The following GABRG3 variants were observed in gnomAD, a reference collection of about 807,000 sequenced individuals.
The protein encoded by GABRG3 is gamma-aminobutyric acid receptor subunit gamma-3.
A neutral mutation model predicts 48.8 loss-of-function variants in GABRG3; 25 were observed. The ratio of observed to expected loss-of-function variants is 0.51; its 90% confidence interval spans 0.37 to 0.72. The LOEUF is 0.72. GABRG3 is among the 30% of genes least tolerant of loss of function. The pLI is 0.00. For missense variants in GABRG3, 394 were observed against 577.9 expected, an observed-to-expected ratio of 0.68 and a Z score of 3.26; for synonymous variants, 227 against 217.6, an observed-to-expected ratio of 1.04 and a Z score of -0.38.
chr15:27,369,762 G>C (rs1895338036), intron 5 of GABRG3, among the ~76,000 whole-genome samples: 1 of 131,702 alleles, frequency 7.6e-6, no homozygotes, highest in African/African-American at 3.0e-5. Flanking sequence ...AGCTGAGATT[G>C]CACCACTGCA....
intron 6 of GABRG3, chr15:27,480,990 T>G: frequency 1.4e-6 from 2 of 1,380,260 alleles, no homozygotes; most frequent in Non-Finnish European, 1.9e-6. Flanking sequence ...TTCATATTTT[T>G]GAATCCAGGC....
intron 5 of GABRG3, among the ~76,000 whole-genome samples, chr15:27,405,852 G>GT (rs1334015556): frequency 1.3e-5 from 2 of 151,924 alleles, no homozygotes; most frequent in East Asian, 3.9e-4. Context: ...TCTAGGACTG[G>GT]GGGAGGGAAT....
At chr15:27,402,964 C>T (rs541813042) in intron 5 of GABRG3, among the ~76,000 whole-genome samples, 2 of 152,188 alleles carry the variant, frequency 1.3e-5, no homozygotes, top group Admixed American at 1.3e-4. Flanking sequence ...ATGTGATCAT[C>T]CTGGGGTCTT....
chr15:27,030,649 C>G (rs1157996729), intron 3 of GABRG3, among the ~76,000 whole-genome samples: 1 of 151,578 alleles, frequency 6.6e-6, no homozygotes, highest in East Asian at 1.9e-4. Flanking sequence ...AGAATATCCA[C>G]TTCAAGCAGC....
intron 3 of GABRG3, among the ~76,000 whole-genome samples, chr15:27,088,658 C>T (rs996801921): frequency 6.6e-6 from 1 of 152,074 alleles, no homozygotes; most frequent in Admixed American, 6.5e-5. Context: ...TTCTTCGTCA[C>T]GTGGCCAGGA....
rs773191845 is a variant in GABRG3 at position 27,527,613 on chromosome 15, C to T, written c.1046C>T (p.Thr349Met). The T allele has an allele frequency of 2.5e-6, 4 of 1,610,642 alleles. No homozygotes were observed. Among genetic ancestry groups the T allele is most frequent in the African/African-American group, 1.3e-5 (1 of 74,996 alleles). The change falls in exon 8 of 10, where the codon ACG becomes ATG. Residue 349 changes from threonine (T) to methionine (M), a missense_variant. Thr to Met is a moderately conservative substitution (Grantham distance 81). Around this residue, in one of 3 missense-constraint regions of GABRG3, gnomAD observed 126 missense variants for 155.5 expected, o/e 0.81. Transcript: ENST00000615808. The part of the protein sequence containing the change: ...YYSSCRKPTT[T>M]KKTTSLLHPD... The stretch of plus-strand genomic sequence containing the variant: ...TCCAGCTGTAGAAAACCAACCACCA[C>T]GAAGAAGACAACATCGGTGAGCTGC...
intron 2 of GABRG3, among the ~76,000 whole-genome samples, chr15:26,983,908 A>C (rs1370658023): frequency 6.6e-6 from 1 of 151,602 alleles, no homozygotes; most frequent in Non-Finnish European, 1.5e-5. Flanking sequence ...GGGACACTAG[A>C]CCTCCTGTTT....
chr15:27,269,350 G>GATTCACT (rs1386142367), intron 3 of GABRG3, among the ~76,000 whole-genome samples: 5 of 152,144 alleles, frequency 3.3e-5, no homozygotes, highest in Non-Finnish European at 5.9e-5. Flanking sequence ...ACCACCACCT[G>GATTCACT]ATTCACTAAT....
At chr15:27,523,386 CTTTATA>C (rs933194687) in intron 7 of GABRG3, among the ~76,000 whole-genome samples, 1 of 151,418 alleles carries the variant, frequency 6.6e-6, no homozygotes, top group African/African-American at 2.4e-5. Flanking sequence ...ATTTATTAGT[CTTTATA>C]TTAATATTTT....
intron 5 of GABRG3, among the ~76,000 whole-genome samples, chr15:27,369,396 A>G (rs543193047): frequency 6.6e-6 from 1 of 152,334 alleles, no homozygotes; most frequent in South Asian, 2.1e-4. Context: ...TGATGGTTGA[A>G]CCAACCTGTA....
At chr15:26,996,589 T>C (rs1016950279) in intron 2 of GABRG3, among the ~76,000 whole-genome samples, 5 of 152,014 alleles carry the variant, frequency 3.3e-5, no homozygotes, top group Non-Finnish European at 7.4e-5. Flanking sequence ...TTTAACCTCC[T>C]TCCTCTGGTA....
chr15:27,515,347 G>T (rs1890994127), intron 6 of GABRG3, among the ~76,000 whole-genome samples: 1 of 152,086 alleles, frequency 6.6e-6, no homozygotes, highest in African/African-American at 2.4e-5. Flanking sequence ...ACCTAACCCG[G>T]CTTCCCAAAT....
At chr15:27,053,020 G>C (rs913339814) in intron 3 of GABRG3, among the ~76,000 whole-genome samples, 3 of 152,180 alleles carry the variant, frequency 2.0e-5, no homozygotes, top group Non-Finnish European at 2.9e-5. Flanking sequence ...ACTCAAGGCG[G>C]ATTAAAGGCT....
chr15:27,193,103 G>T (rs897148931), intron 3 of GABRG3, among the ~76,000 whole-genome samples: 8 of 152,134 alleles, frequency 5.3e-5, no homozygotes, highest in South Asian at 2.1e-4. Flanking sequence ...GTATCCGGCC[G>T]TGTGAGGTGT....
At chr15:27,168,322 C>A (rs1300292095) in intron 3 of GABRG3, among the ~76,000 whole-genome samples, 1 of 151,718 alleles carries the variant, frequency 6.6e-6, no homozygotes, top group Non-Finnish European at 1.5e-5. Flanking sequence ...TCATTCAATA[C>A]CTAAGTTCCC....
chr15:27,221,655 G>C (rs1889457746), intron 3 of GABRG3, among the ~76,000 whole-genome samples: 1 of 152,130 alleles, frequency 6.6e-6, no homozygotes, highest in Non-Finnish European at 1.5e-5. Flanking sequence ...TTGTCTCTGT[G>C]AATTTTGTCT....
At chr15:26,971,660 T>C in intron 1 of GABRG3, 72 bp downstream of exon 1, 2 of 1,456,472 alleles carry the variant, frequency 1.4e-6, no homozygotes, top group Non-Finnish European at 9.0e-7. Flanking sequence ...CGCTGTCTGC[T>C]GGAGTCCCTG....
At chr15:27,497,600 G>T (rs1428953464) in intron 6 of GABRG3, among the ~76,000 whole-genome samples, 1 of 152,134 alleles carries the variant, frequency 6.6e-6, no homozygotes, top group African/African-American at 2.4e-5. Context: ...AAGCTTAAAT[G>T]TGAAAATGAC....
intron 3 of GABRG3, among the ~76,000 whole-genome samples, chr15:27,253,658 C>T (rs1474403667): frequency 1.3e-5 from 2 of 152,244 alleles, no homozygotes; most frequent in South Asian, 4.1e-4. Context: ...TCTGAGAGTT[C>T]AGGCGCCCAC....
Sources: gnomAD v4.1 joint callset for allele counts (sites outside exome capture counted in the v4.1 genomes callset) on GRCh38, gnomAD v4.1.1 for gene constraint, gnomAD v4.1.1 regional missense constraint, MANE v1.5 for transcripts, NCBI Gene and HGNC (gene_info 2026-07-23, HGNC 2026-07-21) for gene names.